PRKDC: variants seen among roughly 807,000 people sequenced by gnomAD.
PRKDC encodes the protein protein kinase, DNA-activated, catalytic subunit.
In PRKDC, 82 loss-of-function variants were observed where a neutral mutation model predicts 486.9. The ratio of observed to expected loss-of-function variants is 0.17; its 90% confidence interval spans 0.14 to 0.20. The LOEUF (loss-of-function observed/expected upper bound fraction) is 0.20. Ranked by LOEUF, PRKDC falls within the 10% of genes least tolerant of loss-of-function variation. The pLI is 1.00. For synonymous variants in PRKDC, 1,895 were observed against 1,837.0 expected (o/e 1.03, Z -0.81); for missense variants, 4,504 against 5,038.2 (o/e 0.89, Z 3.21).
intron 32 of PRKDC, 66 bp downstream of exon 32, chr8:47,890,191 T>A: frequency 9.3e-7 from 1 of 1,071,326 alleles, no homozygotes; most frequent in Non-Finnish European, 1.3e-6. Context: ...AAACCCCTTC[T>A]AACAGAAACC....
At chr8:47,944,694 T>C (rs1312014478) in intron 7 of PRKDC, among the ~76,000 whole-genome samples, 1 of 152,220 alleles carries the variant, frequency 6.6e-6, no homozygotes, top group African/African-American at 2.4e-5. Context: ...ACATTATTCA[T>C]TGTAGCTATA....
At chr8:47,910,713 T>C (rs1172178227) in intron 25 of PRKDC, among the ~76,000 whole-genome samples, 2 of 152,246 alleles carry the variant, frequency 1.3e-5, no homozygotes, top group East Asian at 3.8e-4. Context: ...ACCAGAGTTA[T>C]CAATTGATTT....
intron 19 of PRKDC, among the ~76,000 whole-genome samples, chr8:47,928,308 C>T (rs2090188902): frequency 6.6e-6 from 1 of 151,902 alleles, no homozygotes; most frequent in African/African-American, 2.4e-5. Context: ...TGTACAACCA[C>T]ACCTGGCTAA....
intron 11 of PRKDC, among the ~76,000 whole-genome samples, chr8:47,937,418 G>A (rs1189219632): frequency 6.6e-6 from 1 of 152,228 alleles, no homozygotes; most frequent in Non-Finnish European, 1.5e-5. Context: ...ACAAATGAGA[G>A]GCAGTCCCTG....
intron 10 of PRKDC, among the ~76,000 whole-genome samples, chr8:47,942,183 C>CATATTTTGGAA (rs1291596645): frequency 3.9e-5 from 6 of 152,252 alleles, no homozygotes; most frequent in Non-Finnish European, 5.9e-5. Context: ...CAAACATATT[C>CATATTTTGGAA]ATATGAATCA....
chr8:47,875,424 A>AT (rs2089070937), intron 40 of PRKDC, among the ~76,000 whole-genome samples: 1 of 151,850 alleles, frequency 6.6e-6, no homozygotes. Flanking sequence ...TTTCTCCACC[A>AT]TTTTTCTGTT....
At chr8:47,841,317 G>A (rs1411938089) in intron 54 of PRKDC, among the ~76,000 whole-genome samples, 13 of 152,090 alleles carry the variant, frequency 8.5e-5, no homozygotes, top group Admixed American at 8.5e-4. Context: ...ACCTTGCTCT[G>A]AGTCACTCTA....
intron 68 of PRKDC, among the ~76,000 whole-genome samples, chr8:47,810,005 A>T (rs1168561935): frequency 1.3e-5 from 2 of 152,164 alleles, no homozygotes; most frequent in Non-Finnish European, 2.9e-5. Context: ...AGGGGAGAGA[A>T]CCAGAGAAAA....
intron 21 of PRKDC, among the ~76,000 whole-genome samples, chr8:47,919,444 A>AT (rs1470215959): frequency 6.6e-6 from 1 of 152,120 alleles, no homozygotes; most frequent in Non-Finnish European, 1.5e-5. Context: ...ACACATGTTC[A>AT]TTTTTTCTCT....
In PRKDC at chr8:47,925,892, G is replaced by A. The variant is rs957510738; in HGVS notation, c.2419+1302C>T. Among the ~76,000 whole-genome samples the A allele has an allele frequency of 3.3e-5, 5 of 152,194 alleles. No homozygotes were observed. In the East Asian group the frequency reaches 9.6e-4, roughly 29 times the overall value. ...TACTGTTCCTGCAATTGTTCTGGAA[G>A]TTTGATACATCAAAAAAAGTTATTA... On this transcript the variant is annotated intron_variant, in intron 21 of 85. Transcript: ENST00000314191.
chr8:47,883,464 G>C (rs912251209), intron 36 of PRKDC, among the ~76,000 whole-genome samples: 4 of 152,152 alleles, frequency 2.6e-5, no homozygotes, highest in Admixed American at 2.0e-4. Flanking sequence ...CAAAGCCTTT[G>C]CTTCTGGGCT....
Position 47,837,334 on chromosome 8 carries a change from A to T in PRKDC, c.7639T>A (p.Ser2547Thr). ...DRLLALNSLY[S>T]PKIEVHFLSL... ...AAAAAGTGCACTTCTATCTTAGGAG[A>T]ATATAAGGAATTTAGTGCCAGCAAC... The change falls in exon 57 of 86, where the codon TCT becomes ACT. Residue 2547 changes from serine (S) to threonine (T), a missense_variant. Ser to Thr is a moderately conservative substitution (Grantham distance 58). Around this residue, in one of 6 missense-constraint regions of PRKDC, gnomAD observed 1,592 missense variants for 1,724.6 expected, o/e 0.92. Coordinates refer to ENST00000314191, the MANE Select transcript of PRKDC (RefSeq NM_006904.7). 1 of 1,613,118 alleles carries T rather than the reference A, an allele frequency of 6.2e-7. No individual in the cohort carries two copies.
chr8:47,776,496 G>A (rs992061354), intron 85 of PRKDC, among the ~76,000 whole-genome samples: 35 of 152,246 alleles, frequency 2.3e-4, no homozygotes, highest in African/African-American at 7.9e-4. Flanking sequence ...AGGGTCAAAC[G>A]CCCTAAAAAG....
In PRKDC at chr8:47,801,994, C is replaced by T. The variant is rs8178218; in HGVS notation, c.9923-1008G>A. ...GGTATATGGATACTAATATTAACATCAGCAAACTCCTCCTCTTCCCCTCAA... is the reference window on the plus strand; with the variant it reads ...GGTATATGGATACTAATATTAACATTAGCAAACTCCTCCTCTTCCCCTCAA... On this transcript the variant is annotated intron_variant, in intron 70 of 85. Transcript: ENST00000314191. Among the ~76,000 whole-genome samples, 860 of 152,306 alleles carry T rather than the reference C, an allele frequency of 5.6e-3. 11 individuals carry two copies. The highest frequency in any genetic ancestry group is 0.02 in the African/African-American group (821 of 41,544).
intron 30 of PRKDC, among the ~76,000 whole-genome samples, chr8:47,894,517 C>T (rs1352736827): frequency 6.6e-6 from 1 of 152,244 alleles, no homozygotes; most frequent in African/African-American, 2.4e-5. Flanking sequence ...GCTGAAGACG[C>T]AGACAAGCAC....
intron 68 of PRKDC, among the ~76,000 whole-genome samples, chr8:47,808,474 ATTATT>A (rs1252945786): frequency 2.0e-5 from 3 of 151,972 alleles, no homozygotes; most frequent in Non-Finnish European, 4.4e-5. Flanking sequence ...TTAAATTATT[ATTATT>A]TTAGAGACAG....
chr8:47,877,706 C>A lies in PRKDC; in HGVS notation c.5363+18G>T. On this transcript the variant is annotated intron_variant, in intron 40 of 85. Coordinates refer to ENST00000314191, the MANE Select transcript of PRKDC (RefSeq NM_006904.7). ...GAAATGCGTATGGTTCCTGAGATCC[C>A]AGGCCAGAATGACTTACCTTCTGGC... is the stretch of plus-strand genomic sequence containing the variant. 6.4e-7 allele frequency: 1 copy of A among 1,562,676 alleles called. No individual in the cohort carries two copies. The highest frequency in any genetic ancestry group is 1.4e-5 in the African/African-American group (1 of 73,188).
At chr8:47,902,521 AC>A in intron 27 of PRKDC, 47 bp downstream of exon 27, 1 of 1,327,968 alleles carries the variant, frequency 7.5e-7, no homozygotes, top group East Asian at 2.5e-5. Flanking sequence ...ACTCCAAGTC[AC>A]CTTTCAAAAC....
At chr8:47,864,468 G>C (rs939781809) in intron 41 of PRKDC, 88 bp downstream of exon 41, 5 of 1,174,862 alleles carry the variant, frequency 4.3e-6, no homozygotes, top group South Asian at 1.5e-5. Flanking sequence ...GAACAGCAGA[G>C]GCCATGTGAC....
Sources: allele counts gnomAD v4.1 joint callset (sites outside exome capture counted in the v4.1 genomes callset), GRCh38; gene constraint gnomAD v4.1.1; regional missense constraint gnomAD v4.1.1; transcripts MANE v1.5; gene names NCBI Gene and HGNC (gene_info 2026-07-23, HGNC 2026-07-21).